Variants in NODAL observed in about 807,000 individuals in gnomAD.
The protein encoded by NODAL is nodal homolog.
In NODAL, 12 loss-of-function variants were observed where a neutral mutation model predicts 34.0. The observed-to-expected ratio is 0.35, with a 90% confidence interval of 0.23 to 0.57. The LOEUF is 0.57. Among genes scored for constraint, NODAL ranks in the 20% least tolerant of loss-of-function variants. The probability of loss-of-function intolerance (pLI) is 0.83; values close to 1 mark genes in which losing one functional copy is unlikely to be tolerated. For missense variants in NODAL, 390 were observed against 444.2 expected (o/e 0.88, Z 1.10); for synonymous variants, 162 against 186.4 (o/e 0.87, Z 1.07).
At chr10:70,438,856 G>A (rs1329348678) in intron 1 of NODAL, among the ~76,000 whole-genome samples, 2 of 152,202 alleles carry the variant, frequency 1.3e-5, no homozygotes, top group African/African-American at 4.8e-5. Flanking sequence ...ATGCAAGGTA[G>A]GAATGTTATC....
In NODAL at chr10:70,441,382, C is replaced by T. The variant is rs1222779997; in HGVS notation, c.193+93G>A. ...TGCAAACCCGGCTCGGAGCCGCAGCCCCCAACCCACAGCACTTCCCGAGTC... is the reference window on the plus strand; with the variant it reads ...TGCAAACCCGGCTCGGAGCCGCAGCTCCCAACCCACAGCACTTCCCGAGTC... On this transcript the variant is annotated intron_variant, in intron 1 of 2. Transcript: ENST00000287139. The T allele has an allele frequency of 2.1e-6, 3 of 1,422,440 alleles. No individual in the cohort carries two copies. The East Asian group carries it at 7.5e-5, about 36-fold the overall frequency. The allele number at this position is 1,422,440 out of a possible 1,614,324, so 88.1% of individuals were successfully genotyped here.
rs773333913 is a variant in NODAL, at chr10:70,435,988, G to A, written c.194-5C>T. The A allele has an allele frequency of 5.6e-6, 9 of 1,613,904 alleles. No individual in the cohort carries two copies. The highest frequency in any genetic ancestry group is 4.2e-6 in the Non-Finnish European group (5 of 1,179,898). On this transcript the variant is annotated splice_region_variant and splice_polypyrimidine_tract_variant and intron_variant, in intron 1 of 2. Transcript: ENST00000287139. ...TCTGCCCATCCACTGCCACATCTGG[G>A]TAGGAGAAAACCAAGAAGGAAGGAG...
chr10:70,437,253 A>C (rs1845368225), intron 1 of NODAL, among the ~76,000 whole-genome samples: 1 of 151,812 alleles, frequency 6.6e-6, no homozygotes, highest in African/African-American at 2.4e-5. Flanking sequence ...AACCAGCCTG[A>C]CCAACATGGA....
At chr10:70,440,085 A>G (rs1232400305) in intron 1 of NODAL, among the ~76,000 whole-genome samples, 1 of 152,092 alleles carries the variant, frequency 6.6e-6, no homozygotes, top group Non-Finnish European at 1.5e-5. Context: ...GAAAAAACAA[A>G]CAAACAAAAA....
chr10:70,440,927 AC>A (rs1452073154), intron 1 of NODAL, among the ~76,000 whole-genome samples: 2 of 151,630 alleles, frequency 1.3e-5, no homozygotes, highest in South Asian at 2.1e-4. Context: ...GGACCCATTC[AC>A]CCTCACTCGC....
intron 2 of NODAL, among the ~76,000 whole-genome samples, chr10:70,433,501 A>G (rs1226139690): frequency 6.6e-6 from 1 of 151,938 alleles, no homozygotes; most frequent in East Asian, 1.9e-4. Flanking sequence ...TGCATCCTCA[A>G]CCTCCTGGGC....
chr10:70,442,068 A>C (rs928550236), upstream of NODAL, among the ~76,000 whole-genome samples: 14 of 152,162 alleles, frequency 9.2e-5, no homozygotes, highest in African/African-American at 2.7e-4. Flanking sequence ...TCAGGCTGCA[A>C]ATGGACCGCA....
upstream of NODAL, among the ~76,000 whole-genome samples, chr10:70,444,077 T>C (rs1297004347): frequency 6.6e-6 from 1 of 151,396 alleles, no homozygotes; most frequent in Non-Finnish European, 1.5e-5. Context: ...GGATTACAGG[T>C]CCCCACCACC....
intron 1 of NODAL, chr10:70,447,811 T>C (rs1845504853): frequency 6.5e-6 from 3 of 461,186 alleles, no homozygotes; most frequent in South Asian, 4.8e-5. Flanking sequence ...CTCCTTTCTC[T>C]CTGAGGCCCC....
rs1845275719 is a variant in NODAL at position 70,432,415 on chromosome 10, C to G, written c.*521G>C. On this transcript the variant is annotated 3_prime_UTR_variant, in exon 3 of 3. Coordinates refer to ENST00000287139, the MANE Select transcript of NODAL (RefSeq NM_018055.5). ...AGATTGCCACTGGCCAGCCAGAAAGCTGTGGGGCTCCCCCAACCCAGCCTG... is the reference window on the plus strand; with the variant it reads ...AGATTGCCACTGGCCAGCCAGAAAGGTGTGGGGCTCCCCCAACCCAGCCTG... The G allele has an allele frequency of 5.3e-6, 1 of 189,150 alleles. No individual in the cohort carries two copies. The highest frequency in any genetic ancestry group is 1.1e-4 in the South Asian group (1 of 9,032). The allele number at this position is 189,150 out of a possible 1,614,324, so 11.7% of individuals were successfully genotyped here.
intron 2 of NODAL, chr10:70,434,783 C>G (rs565564964): frequency 4.8e-5 from 8 of 167,360 alleles, no homozygotes; most frequent in Admixed American, 1.7e-4. Flanking sequence ...CTACCAACTG[C>G]TTTACATGCC....
In NODAL at chr10:70,441,660, G is replaced by A. The variant is rs781717746; in HGVS notation, c.8C>T (p.Ala3Val). 6.5e-6 allele frequency: 10 copies of A among 1,549,446 alleles called. No homozygotes were observed. The highest frequency in any genetic ancestry group is 2.0e-5 in the Admixed American group (1 of 51,012). Residue 3 changes from alanine (A) to valine (V), a missense_variant, in exon 1 of 3, where the codon GCC (alanine) becomes GTC (valine). Ala to Val is a moderately conservative substitution (Grantham distance 64). Coordinates refer to ENST00000287139, the MANE Select transcript of NODAL (RefSeq NM_018055.5). The stretch of plus-strand genomic sequence containing the variant: ...GTGCAGAAGGAAGGGCAGGCAGTGG[G>A]CGTGCATGGTGGGCTGGCCAGGCCT... Reference protein sequence around the residue: MHAHCLPFLLHAW... With the variant: MHVHCLPFLLHAW...
chr10:70,435,127 T>TATAA (rs1845327013), intron 2 of NODAL, 159 bp downstream of exon 2: 6 of 669,318 alleles, frequency 9.0e-6, no homozygotes, highest in Admixed American at 2.4e-5. Context: ...TTACACTCGG[T>TATAA]CATCTCTACA....
chr10:70,445,326 C>T (rs1231319787), upstream of NODAL, among the ~76,000 whole-genome samples: 3 of 152,198 alleles, frequency 2.0e-5, no homozygotes, highest in African/African-American at 7.2e-5. Context: ...GGTGCCATCT[C>T]GGCTCACTGC....
rs190510151 is a variant in NODAL, at chr10:70,433,735, T to C, written c.892-647A>G. 4.0e-3 allele frequency among the ~76,000 whole-genome samples: 614 copies of C among 152,296 alleles called. 5 individuals carry two copies. Among genetic ancestry groups the C allele is most frequent in the Non-Finnish European group, 6.3e-3 (429 of 68,036 alleles). On this transcript the variant is annotated intron_variant, in intron 2 of 2. Coordinates refer to ENST00000287139, the MANE Select transcript of NODAL (RefSeq NM_018055.5). The stretch of plus-strand genomic sequence containing the variant: ...CGGCTGTGAATACCAATTTTTAAAA[T>C]ATTCCAAGAAATTCCTGGTTTAGTT...
rs1589151300 is a variant in NODAL at position 70,432,682 on chromosome 10, C to T, written c.*254G>A. 1 of 531,900 alleles carries T rather than the reference C, an allele frequency of 1.9e-6. No homozygotes were observed. The highest frequency in any genetic ancestry group is 3.1e-5 in the Admixed American group (1 of 31,900). The allele number at this position is 531,900 out of a possible 1,614,324, so 32.9% of individuals were successfully genotyped here. Reference sequence around the variant, plus strand: ...GTGCTTTTCCTTGCCACTGTCTTTTCAGTAAAGAGAACATCCAGCCAGCCC... The same window carrying T: ...GTGCTTTTCCTTGCCACTGTCTTTTTAGTAAAGAGAACATCCAGCCAGCCC... On this transcript the variant is annotated 3_prime_UTR_variant, in exon 3 of 3. Transcript: ENST00000287139.
chr10:70,445,236 C>CT (rs903318451), upstream of NODAL, among the ~76,000 whole-genome samples: 3 of 151,956 alleles, frequency 2.0e-5, no homozygotes, highest in Non-Finnish European at 4.4e-5. Flanking sequence ...CCAGAAGCTT[C>CT]TTTTTTTTAA....
upstream of NODAL, chr10:70,441,759 A>T (rs1845435177): frequency 7.3e-7 from 1 of 1,360,910 alleles, no homozygotes. Context: ...CCCTCTGGGG[A>T]AGCTTTAAGA....
chr10:70,434,790 T>C (rs1449822952), intron 2 of NODAL: 1 of 168,774 alleles, frequency 5.9e-6, no homozygotes, highest in Non-Finnish European at 1.3e-5. Context: ...CTGCTTTACA[T>C]GCCATGTGCA....
Sources: gnomAD v4.1 joint callset for allele counts (sites outside exome capture counted in the v4.1 genomes callset) on GRCh38, gnomAD v4.1.1 for gene constraint, MANE v1.5 for transcripts, NCBI Gene and HGNC (gene_info 2026-07-23, HGNC 2026-07-21) for gene names.